The following CFAP92 variants were observed in gnomAD, a reference collection of about 807,000 sequenced individuals.
The protein encoded by CFAP92 is uncharacterized protein CFAP92.
In CFAP92, 86 loss-of-function variants were observed where a neutral mutation model predicts 106.3. The ratio of observed to expected loss-of-function variants is 0.81; its 90% confidence interval spans 0.68 to 0.97. The LOEUF (loss-of-function observed/expected upper bound fraction) is 0.97, where lower values mean the gene tolerates loss of function less well. Among genes scored for constraint, CFAP92 ranks in the 50% least tolerant of loss-of-function variants. The probability of loss-of-function intolerance (pLI) is 0.00; values close to 1 mark genes in which losing one functional copy is unlikely to be tolerated. For missense variants in CFAP92, 1,204 were observed against 1,283.8 expected (o/e 0.94, Z 0.95); for synonymous variants, 477 against 506.4 (o/e 0.94, Z 0.78).
rs1485942223 is a variant in CFAP92, at chr3:128,943,375, A to G, written c.2258+1696T>C. Among the ~76,000 whole-genome samples, 4 of 149,524 alleles carry G rather than the reference A, an allele frequency of 2.7e-5. No individual in the cohort carries two copies. The East Asian group carries it at 7.8e-4, about 29-fold the overall frequency. On this transcript the variant is annotated intron_variant, in intron 10 of 15. Transcript: ENST00000645291. ...TCCCCGCTTCTCTCTTGCCCTCCCG[A>G]GTGGTTATCCCTGGCAACCACCGGC...
chr3:128,996,080 G>C (rs1336266722), upstream of CFAP92, among the ~76,000 whole-genome samples: 1 of 152,156 alleles, frequency 6.6e-6, no homozygotes, highest in Non-Finnish European at 1.5e-5. Flanking sequence ...TTGAGGTATA[G>C]TATTCATGCT....
At chr3:129,003,755 G>C (rs917660105), upstream of CFAP92, 2 of 1,352,484 alleles carry the variant, frequency 1.5e-6, no homozygotes, top group African/African-American at 1.5e-5. Context: ...CATCTGGCTG[G>C]GGCACTTACC....
Position 128,922,482 on chromosome 3 carries a change from A to G in CFAP92, c.2752-6211T>C, listed in dbSNP as rs145755456. Among the ~76,000 whole-genome samples, 36 of 152,388 alleles carry G rather than the reference A, an allele frequency of 2.4e-4. 1 individual carries two copies. The highest frequency in any genetic ancestry group is 8.2e-4 in the African/African-American group (34 of 41,594). On this transcript the variant is annotated intron_variant, in intron 12 of 15. Transcript: ENST00000645291. ...AGTGAAAAGAACAGGAGGCTTTGGTAGTAATCCAGCAGGAAAGGCTGTATA... is the reference window on the plus strand; with the variant it reads ...AGTGAAAAGAACAGGAGGCTTTGGTGGTAATCCAGCAGGAAAGGCTGTATA...
chr3:128,984,701 T>C (rs1943742759), intron 4 of CFAP92, among the ~76,000 whole-genome samples: 2 of 152,206 alleles, frequency 1.3e-5, no homozygotes, highest in Non-Finnish European at 2.9e-5. Flanking sequence ...CTTTCATATA[T>C]ACATCTATCC....
intron 9 of CFAP92, among the ~76,000 whole-genome samples, chr3:128,959,937 C>T (rs981849611): frequency 6.6e-6 from 1 of 152,236 alleles, no homozygotes; most frequent in African/African-American, 2.4e-5. Flanking sequence ...TAACTGATGA[C>T]ATTCCACCAT....
At chr3:129,013,839 G>A in the CFAP92 span, among the ~76,000 whole-genome samples, 1 of 152,226 alleles carries the variant, frequency 6.6e-6, no homozygotes, top group African/African-American at 2.4e-5. Context: ...GGCTGGATGG[G>A]GGGCTACTTG....
intron 8 of CFAP92, chr3:128,967,695 TCC>T (rs1413560999): frequency 8.6e-6 from 1 of 116,616 alleles, no homozygotes; most frequent in Non-Finnish European, 1.7e-5. Context: ...AGAGCAAAAC[TCC>T]GTCTCAAAAA....
At chr3:128,984,909 A>T (rs76320445) in intron 4 of CFAP92, among the ~76,000 whole-genome samples, 5,935 of 152,304 alleles carry the variant, frequency 0.039, 297 homozygotes, top group African/African-American at 0.11. Context: ...AGTTTCTGTA[A>T]GAAATCTTTT....
At position 128,910,105 on chromosome 3, in the gene CFAP92, G is replaced by T. The variant is rs756447287; in HGVS notation, c.*194C>A. On this transcript the variant is annotated 3_prime_UTR_variant, in exon 16 of 16. Coordinates refer to ENST00000645291, the MANE Select transcript of CFAP92 (RefSeq NM_001394090.1). ...TGGCATGACGGCCGTGCTGTCGCGG[G>T]CCAGCCGCTCCATCCGCATTGGGCT... The T allele has an allele frequency of 1.2e-6, 2 of 1,613,018 alleles. No individual in the cohort carries two copies. Among genetic ancestry groups the T allele is most frequent in the Non-Finnish European group, 1.7e-6 (2 of 1,179,910 alleles).
At chr3:129,008,601 C>T in the CFAP92 span, among the ~76,000 whole-genome samples, 1 of 152,046 alleles carries the variant, frequency 6.6e-6, no homozygotes, top group Non-Finnish European at 1.5e-5. Context: ...GACCAATCCC[C>T]GTGCCACAAT....
At chr3:128,990,923 T>A (rs7648687) in intron 2 of CFAP92, among the ~76,000 whole-genome samples, 6,422 of 151,986 alleles carry the variant, frequency 0.042, 350 homozygotes, top group African/African-American at 0.13. Context: ...ATAATTTATA[T>A]AAAGAAACAT....
chr3:128,956,683 T>TA (rs1009703358), intron 9 of CFAP92, among the ~76,000 whole-genome samples: 60 of 147,812 alleles, frequency 4.1e-4, no homozygotes, highest in Admixed American at 1.1e-3. Context: ...TTTCAAGTGT[T>TA]AAAAAAAAAA....
intron 11 of CFAP92, among the ~76,000 whole-genome samples, chr3:128,934,807 A>T (rs968457289): frequency 2.6e-5 from 4 of 152,164 alleles, no homozygotes; most frequent in African/African-American, 9.7e-5. Context: ...CTGGGATTAC[A>T]GGTGTGAGCC....
the CFAP92 span, among the ~76,000 whole-genome samples, chr3:129,012,353 C>T: frequency 1.3e-5 from 2 of 152,174 alleles, no homozygotes; most frequent in Non-Finnish European, 2.9e-5. Flanking sequence ...GGTGTGCCTG[C>T]ATTTGCTACA....
intron 12 of CFAP92, 49 bp downstream of exon 12, chr3:128,932,651 C>T (rs991076485): frequency 2.2e-5 from 33 of 1,486,928 alleles, no homozygotes; most frequent in Admixed American, 1.7e-4. Flanking sequence ...GCGCCTGGAC[C>T]GCCCAGGTGA....
chr3:129,003,272 G>A (rs80005819), upstream of CFAP92: 10,868 of 985,288 alleles, frequency 0.011, 493 homozygotes, highest in African/African-American at 0.11. Flanking sequence ...ACGGTCTTCC[G>A]GCATCTCTCA....
At chr3:128,985,322 T>C (rs2107808622) in intron 4 of CFAP92, among the ~76,000 whole-genome samples, 1 of 152,166 alleles carries the variant, frequency 6.6e-6, no homozygotes, top group Non-Finnish European at 1.5e-5. Context: ...AAAGTAGCCA[T>C]GTGTGGTGGC....
chr3:128,940,736 T>C (rs1939540421), intron 10 of CFAP92, among the ~76,000 whole-genome samples: 1 of 152,182 alleles, frequency 6.6e-6, no homozygotes, highest in African/African-American at 2.4e-5. Flanking sequence ...TTAATGACTA[T>C]AGTTTTATCA....
chr3:128,943,929 T>G (rs1576463179), intron 10 of CFAP92, among the ~76,000 whole-genome samples: 1 of 148,376 alleles, frequency 6.7e-6, no homozygotes, highest in South Asian at 2.1e-4. Flanking sequence ...CGTTTTTTTT[T>G]TTTTTTTTTT....
Sources: allele counts gnomAD v4.1 joint callset (sites outside exome capture counted in the v4.1 genomes callset), GRCh38; gene constraint gnomAD v4.1.1; transcripts MANE v1.5; gene names NCBI Gene and HGNC (gene_info 2026-07-23, HGNC 2026-07-21).